DCC: variants seen among roughly 807,000 people sequenced by gnomAD.
The protein encoded by DCC is DCC netrin 1 receptor, also known as netrin receptor DCC.
DCC carries 58 observed loss-of-function variants against 172.5 expected under a neutral mutation model. The observed-to-expected ratio is 0.34, with a 90% CI of 0.27 to 0.42. The LOEUF (loss-of-function observed/expected upper bound fraction) is 0.42, where lower values mean the gene tolerates loss of function less well. Among genes scored for constraint, DCC ranks in the 10% least tolerant of loss-of-function variants. The probability of loss-of-function intolerance (pLI) is 1.00; values close to 1 mark genes in which losing one functional copy is unlikely to be tolerated. For missense variants in DCC, 1,740 were observed against 1,791.0 expected (o/e 0.97, Z 0.51); for synonymous variants, 709 against 644.5 (o/e 1.10, Z -1.52).
chr18:53,074,093 A>C (rs1317617102), intron 7 of DCC, among the ~76,000 whole-genome samples: 1 of 152,154 alleles, frequency 6.6e-6, no homozygotes, highest in Non-Finnish European at 1.5e-5. Context: ...TTGAATCTAA[A>C]GGGCTGTACT....
At chr18:52,348,686 A>T (rs1983985733) in intron 1 of DCC, among the ~76,000 whole-genome samples, 1 of 151,908 alleles carries the variant, frequency 6.6e-6, no homozygotes, top group South Asian at 2.1e-4. Context: ...CTACTAAGCA[A>T]CCCTTTGCTT....
chr18:53,104,874 G>A (rs1315031825), intron 7 of DCC, among the ~76,000 whole-genome samples: 1 of 152,032 alleles, frequency 6.6e-6, no homozygotes, highest in African/African-American at 2.4e-5. Context: ...TCTCCTGTCT[G>A]TGCAGTCTCC....
intron 1 of DCC, among the ~76,000 whole-genome samples, chr18:52,458,863 G>A (rs1038663789): frequency 6.6e-6 from 1 of 152,152 alleles, no homozygotes; most frequent in African/African-American, 2.4e-5. Flanking sequence ...TGAAAGGGAG[G>A]AGAGTTAAAA....
intron 2 of DCC, among the ~76,000 whole-genome samples, chr18:52,841,538 C>T (rs114296890): frequency 0.024 from 3,720 of 152,166 alleles, 134 homozygotes; most frequent in African/African-American, 0.082. Context: ...TTGCCATCTG[C>T]TGAGAAGTGA....
At chr18:52,563,154 G>T (rs2033078823) in intron 1 of DCC, among the ~76,000 whole-genome samples, 3 of 152,116 alleles carry the variant, frequency 2.0e-5, no homozygotes, top group Admixed American at 2.0e-4. Flanking sequence ...AATGGGAAAA[G>T]GAAGGAAGTC....
intron 12 of DCC, among the ~76,000 whole-genome samples, chr18:53,220,790 T>G (rs915003057): frequency 5.7e-5 from 7 of 123,866 alleles, no homozygotes; most frequent in African/African-American, 2.1e-4. Flanking sequence ...AGTTATTGAT[T>G]CCTTCATCTA....
intron 12 of DCC, among the ~76,000 whole-genome samples, chr18:53,272,530 G>GTATGAATT (rs1568404870): frequency 6.6e-6 from 1 of 152,064 alleles, no homozygotes; most frequent in Non-Finnish European, 1.5e-5. Flanking sequence ...CTGAGTTATA[G>GTATGAATT]TATGAATTGG....
intron 7 of DCC, among the ~76,000 whole-genome samples, chr18:53,118,332 A>G (rs1320072862): frequency 6.6e-6 from 1 of 151,856 alleles, no homozygotes; most frequent in Non-Finnish European, 1.5e-5. Flanking sequence ...GTCAAATAAT[A>G]CTGCATCATA....
At chr18:52,484,190 C>G (rs898222231) in intron 1 of DCC, among the ~76,000 whole-genome samples, 2 of 152,086 alleles carry the variant, frequency 1.3e-5, no homozygotes, top group African/African-American at 4.8e-5. Flanking sequence ...AAACTGCATT[C>G]TATTTTCACC....
At chr18:52,981,866 G>A (rs1202748176) in intron 5 of DCC, among the ~76,000 whole-genome samples, 1 of 152,108 alleles carries the variant, frequency 6.6e-6, no homozygotes, top group African/African-American at 2.4e-5. Context: ...AGTTATAGAT[G>A]AATAATGGAG....
chr18:52,446,089 C>T (rs918526549), intron 1 of DCC, among the ~76,000 whole-genome samples: 1 of 152,162 alleles, frequency 6.6e-6, no homozygotes, highest in Non-Finnish European at 1.5e-5. Flanking sequence ...CCCGCCACCG[C>T]ACCCCGCTAA....
Position 52,752,246 on chromosome 18 carries a change from G to A in DCC, c.284G>A (p.Gly95Glu). 1 of 1,614,090 alleles carries A rather than the reference G, an allele frequency of 6.2e-7. No homozygotes were observed. Among genetic ancestry groups the A allele is most frequent in the Non-Finnish European group, 8.5e-7 (1 of 1,180,024 alleles). Residue 95 changes from glycine (G) to glutamate (E), a missense_variant, in exon 2 of 29, where the codon GGG becomes GAG. By Grantham distance (98) the Gly-to-Glu change is moderately conservative. This residue lies in a region of DCC where 1,732 missense variants were observed against 1,767.4 expected (regional missense o/e 0.98). Transcript: ENST00000442544. ...MDERKQQLSNGSLLIQNILHS... is the reference protein window; with the variant it reads ...MDERKQQLSNESLLIQNILHS... Reference sequence around the variant, plus strand: ...GAAAGGAAGCAGCAACTTTCAAATGGGTCTCTGCTGATACAAAACATACTT... The same window carrying A: ...GAAAGGAAGCAGCAACTTTCAAATGAGTCTCTGCTGATACAAAACATACTT...
At position 52,693,314 on chromosome 18, in the gene DCC, C is replaced by T. The variant is rs139642677; in HGVS notation, c.92-58740C>T. 1.1e-3 allele frequency among the ~76,000 whole-genome samples: 160 copies of T among 147,646 alleles called. 4 individuals are homozygous for T. In the East Asian group the frequency reaches 0.025, roughly 23 times the overall value. On this transcript the variant is annotated intron_variant, in intron 1 of 28. Transcript: ENST00000442544. ...CATTATATATTAAGTGTATATATTA[C>T]AATATCTAAATATTATATGCTATAA...
At chr18:52,710,709 G>A (rs2036279186) in intron 1 of DCC, among the ~76,000 whole-genome samples, 2 of 152,152 alleles carry the variant, frequency 1.3e-5, no homozygotes, top group Admixed American at 1.3e-4. Context: ...TGGTTAAAAG[G>A]TATTTAATAA....
chr18:53,529,464 A>G (rs1460280644), intron 28 of DCC, among the ~76,000 whole-genome samples: 2 of 152,200 alleles, frequency 1.3e-5, no homozygotes, highest in Admixed American at 6.5e-5. Context: ...TAAGTAGAAC[A>G]TCTGTATAAG....
intron 12 of DCC, chr18:53,237,137 C>A (rs576467823): frequency 1.3e-5 from 2 of 152,578 alleles, no homozygotes; most frequent in African/African-American, 2.4e-5. Context: ...TATATATGAT[C>A]ATTATATGTA....
intron 1 of DCC, among the ~76,000 whole-genome samples, chr18:52,490,306 C>T (rs545728430): frequency 6.6e-6 from 1 of 152,114 alleles, no homozygotes; most frequent in South Asian, 2.1e-4. Context: ...AAAGAGATGA[C>T]CCTGCTTAAG....
At chr18:53,495,636 G>A (rs1485331260) in intron 26 of DCC, among the ~76,000 whole-genome samples, 1 of 152,008 alleles carries the variant, frequency 6.6e-6, no homozygotes, top group Non-Finnish European at 1.5e-5. Flanking sequence ...TATCTTTATG[G>A]TGTTCTCTGT....
At chr18:52,696,134 C>T (rs935323754) in intron 1 of DCC, among the ~76,000 whole-genome samples, 7 of 152,126 alleles carry the variant, frequency 4.6e-5, no homozygotes, top group Admixed American at 3.9e-4. Context: ...TAACTTAAAA[C>T]AATTTTCAGA....
Sources: allele counts gnomAD v4.1 joint callset (sites outside exome capture counted in the v4.1 genomes callset), GRCh38; gene constraint gnomAD v4.1.1; regional missense constraint gnomAD v4.1.1; transcripts MANE v1.5; gene names NCBI Gene and HGNC (gene_info 2026-07-23, HGNC 2026-07-21).